Variants in FRMD6 observed in about 807,000 individuals in gnomAD.
FRMD6 encodes FERM domain-containing protein 6.
FRMD6 carries 37 observed loss-of-function variants against 73.2 expected under a neutral mutation model. That is an observed-to-expected ratio of 0.51 (90% CI 0.39 to 0.66). FRMD6 has a LOEUF of 0.66. Ranked by LOEUF, FRMD6 falls within the 30% of genes least tolerant of loss-of-function variation. FRMD6 has a pLI of 0.00. For missense variants in FRMD6, 714 were observed against 780.5 expected, an observed-to-expected ratio of 0.91 and a Z score of 1.02; for synonymous variants, 273 against 282.2, an observed-to-expected ratio of 0.97 and a Z score of 0.33.
At chr14:51,692,527 T>TA (rs1472039890) in intron 2 of FRMD6, among the ~76,000 whole-genome samples, 2 of 152,152 alleles carry the variant, frequency 1.3e-5, no homozygotes, top group South Asian at 2.1e-4. Context: ...AACAACACCT[T>TA]ACCACATTTA....
chr14:51,566,305 A>T (rs1887772369), intron 1 of FRMD6, among the ~76,000 whole-genome samples: 1 of 152,236 alleles, frequency 6.6e-6, no homozygotes, highest in Non-Finnish European at 1.5e-5. Context: ...CTTGGATGTG[A>T]CACATACATT....
the FRMD6 span, among the ~76,000 whole-genome samples, chr14:51,451,739 C>G: frequency 6.6e-6 from 1 of 152,224 alleles, no homozygotes; most frequent in Non-Finnish European, 1.5e-5. Flanking sequence ...GCACCTCCCC[C>G]ACTTCCTCTC....
At chr14:51,532,509 C>T (rs1885650154) in intron 1 of FRMD6, among the ~76,000 whole-genome samples, 1 of 152,046 alleles carries the variant, frequency 6.6e-6, no homozygotes, top group African/African-American at 2.4e-5. Context: ...ATATTGTGCC[C>T]ACCCCAGGGT....
chr14:51,612,202 ATTTTGTATT>A (rs1890539019), intron 2 of FRMD6, among the ~76,000 whole-genome samples: 1 of 152,128 alleles, frequency 6.6e-6, no homozygotes, highest in African/African-American at 2.4e-5. Context: ...ATCCATCCTT[ATTTTGTATT>A]AACAACAAAT....
At chr14:51,721,582 T>G (rs1456927948) in intron 11 of FRMD6, among the ~76,000 whole-genome samples, 1 of 146,458 alleles carries the variant, frequency 6.8e-6, no homozygotes, top group Non-Finnish European at 1.5e-5. Context: ...TCCAGCCTGG[T>G]GACAGAGTGA....
At chr14:51,520,468 C>T (rs892560268) in intron 1 of FRMD6, among the ~76,000 whole-genome samples, 1 of 152,152 alleles carries the variant, frequency 6.6e-6, no homozygotes, top group South Asian at 2.1e-4. Context: ...AAATATATGT[C>T]TACACAAAAT....
chr14:51,405,354 T>G, the FRMD6 span, among the ~76,000 whole-genome samples: 1 of 152,236 alleles, frequency 6.6e-6, no homozygotes, highest in Non-Finnish European at 1.5e-5. Flanking sequence ...ATTGCCATGC[T>G]ACTTTCCACA....
chr14:51,653,546 A>AT (rs940579929), intron 1 of FRMD6, among the ~76,000 whole-genome samples: 3 of 152,010 alleles, frequency 2.0e-5, no homozygotes, highest in African/African-American at 4.8e-5. Flanking sequence ...AGGATGAGAA[A>AT]TTTTTTTTTA....
intron 2 of FRMD6, among the ~76,000 whole-genome samples, chr14:51,575,403 T>C (rs1342674746): frequency 6.6e-6 from 1 of 152,186 alleles, no homozygotes; most frequent in Non-Finnish European, 1.5e-5. Context: ...CTTTGGATCT[T>C]GCATCAGCGG....
At chr14:51,638,095 A>T (rs1464984331) in intron 2 of FRMD6, 1 of 152,266 alleles carries the variant, frequency 6.6e-6, no homozygotes, top group Non-Finnish European at 1.5e-5. Context: ...ACCAGCCTGG[A>T]CAACACAGTG....
At chr14:51,702,400 C>A in intron 4 of FRMD6, 112 bp from the exon 5 acceptor site, 1 of 823,470 alleles carries the variant, frequency 1.2e-6, no homozygotes, top group Non-Finnish European at 2.1e-6. Flanking sequence ...GTAAATAAAA[C>A]CTATCAGTGA....
chr14:51,431,689 T>C, the FRMD6 span, among the ~76,000 whole-genome samples: 3 of 152,198 alleles, frequency 2.0e-5, no homozygotes, highest in Non-Finnish European at 2.9e-5. Flanking sequence ...GGTGATAGAC[T>C]CCCCTTAGCT....
chr14:51,708,750 C>G (rs1896776543), intron 7 of FRMD6, among the ~76,000 whole-genome samples: 1 of 151,980 alleles, frequency 6.6e-6, no homozygotes, highest in African/African-American at 2.4e-5. Context: ...GTACTTTAAT[C>G]TTTATTTTAC....
chr14:51,411,079 T>C, the FRMD6 span, among the ~76,000 whole-genome samples: 1 of 152,220 alleles, frequency 6.6e-6, no homozygotes, highest in Non-Finnish European at 1.5e-5. Context: ...TTATGTTTTA[T>C]ACCATGTGTT....
At chr14:51,718,480 C>T (rs1897354605) in intron 10 of FRMD6, among the ~76,000 whole-genome samples, 1 of 152,186 alleles carries the variant, frequency 6.6e-6, no homozygotes, top group African/African-American at 2.4e-5. Flanking sequence ...ACTTTTTTCT[C>T]TTCACTTGCC....
intron 1 of FRMD6, among the ~76,000 whole-genome samples, chr14:51,492,129 G>T (rs1337503689): frequency 1.3e-5 from 2 of 152,140 alleles, no homozygotes; most frequent in Non-Finnish European, 2.9e-5. Context: ...TGCTTTAAGA[G>T]GAGTCAGGAA....
chr14:51,555,177 C>G (rs1021787342), intron 1 of FRMD6, among the ~76,000 whole-genome samples: 1 of 152,176 alleles, frequency 6.6e-6, no homozygotes, highest in Non-Finnish European at 1.5e-5. Context: ...TGGCAGAAGT[C>G]TACTTCCTGG....
At chr14:51,707,756 A>G (rs778422261) in intron 6 of FRMD6, among the ~76,000 whole-genome samples, 2 of 152,144 alleles carry the variant, frequency 1.3e-5, no homozygotes, top group Admixed American at 6.6e-5. Context: ...AGTATAAACA[A>G]TTATGTGTAC....
chr14:51,692,203 T>C (rs1684205448), intron 2 of FRMD6, among the ~76,000 whole-genome samples: 1 of 152,166 alleles, frequency 6.6e-6, no homozygotes, highest in East Asian at 1.9e-4. Context: ...AAATTGTTTT[T>C]GGATGTGTGA....
Sources: gnomAD v4.1 joint callset for allele counts (sites outside exome capture counted in the v4.1 genomes callset) on GRCh38, gnomAD v4.1.1 for gene constraint, MANE v1.5 for transcripts, NCBI Gene and HGNC (gene_info 2026-07-23, HGNC 2026-07-21) for gene names.